The following GNAO1 variants were observed in gnomAD, a reference collection of about 807,000 sequenced individuals.
GNAO1 encodes the protein guanine nucleotide-binding protein G(o) subunit alpha.
For missense variants in GNAO1, 166 were observed against 478.7 expected (o/e 0.35, Z 6.10); for synonymous variants, 164 against 180.7 (o/e 0.91, Z 0.74).
chr16:56,280,313 A>G (rs1233232860), intron 3 of GNAO1, among the ~76,000 whole-genome samples: 4 of 152,224 alleles, frequency 2.6e-5, no homozygotes, highest in Non-Finnish European at 5.9e-5. Context: ...CCTTGAAGCC[A>G]GGAAAAAAAC....
At chr16:56,274,951 A>T (rs534472274) in intron 2 of GNAO1, among the ~76,000 whole-genome samples, 1 of 152,352 alleles carries the variant, frequency 6.6e-6, no homozygotes, top group South Asian at 2.1e-4. Context: ...TTAAAAAAAG[A>T]AGAAGAATCT....
chr16:56,343,917 C>T lies in GNAO1; in HGVS notation c.723+7057C>T, dbSNP rs199868005. 117 of 1,614,102 alleles carry T rather than the reference C, an allele frequency of 7.2e-5. No individual in the cohort carries two copies. Among genetic ancestry groups the T allele is most frequent in the Non-Finnish European group, 9.2e-5 (109 of 1,180,036 alleles). ...TTGATGCTGTGACGGACGTCATCAT[C>T]GCCAAAAACCTGCGGGGCTGTGGAC... On this transcript the variant is annotated intron_variant, in intron 6 of 8. Coordinates refer to ENST00000262493, the MANE Select transcript of GNAO1 (RefSeq NM_020988.3).
Position 56,276,088 on chromosome 16 carries a change from C to G in GNAO1, c.303+16C>G. 1 of 1,606,990 alleles carries G rather than the reference C, an allele frequency of 6.2e-7. No homozygotes were observed. The highest frequency in any genetic ancestry group is 8.5e-7 in the Non-Finnish European group (1 of 1,176,014). On this transcript the variant is annotated intron_variant, in intron 3 of 8. Coordinates refer to ENST00000262493, the MANE Select transcript of GNAO1 (RefSeq NM_020988.3). ...GGAGAGAAAGGTAGGCCCCTGAGCCCATAAGCACAGCAACAAGAGGTTCTG... is the reference window on the plus strand; with the variant it reads ...GGAGAGAAAGGTAGGCCCCTGAGCCGATAAGCACAGCAACAAGAGGTTCTG...
At chr16:56,330,139 G>C (rs1404970902) in intron 4 of GNAO1, among the ~76,000 whole-genome samples, 2 of 152,246 alleles carry the variant, frequency 1.3e-5, no homozygotes, top group Non-Finnish European at 2.9e-5. Context: ...CCGAAGTCCT[G>C]TGAGTCCCAG....
At chr16:56,328,127 C>G (rs1236708561) in intron 3 of GNAO1, among the ~76,000 whole-genome samples, 2 of 152,216 alleles carry the variant, frequency 1.3e-5, no homozygotes, top group Non-Finnish European at 2.9e-5. Flanking sequence ...AACGTCTGCT[C>G]CTCTACATAG....
chr16:56,193,992 G>C, intron 2 of GNAO1: 1 of 397,480 alleles, frequency 2.5e-6, no homozygotes, highest in South Asian at 1.8e-5. Flanking sequence ...TTCGTGGGAA[G>C]GTGGGAGTGG....
chr16:56,194,458 G>A (rs2036212658), intron 2 of GNAO1: 1 of 351,592 alleles, frequency 2.8e-6, no homozygotes, highest in Non-Finnish European at 5.6e-6. Flanking sequence ...CACCTGAGCT[G>A]GATGAGGTTT....
intron 3 of GNAO1, among the ~76,000 whole-genome samples, chr16:56,321,272 A>G (rs1363438599): frequency 6.6e-6 from 1 of 152,204 alleles, no homozygotes; most frequent in Non-Finnish European, 1.5e-5. Flanking sequence ...AAAGCAGGGG[A>G]TTGATTGACT....
chr16:56,228,775 A>T (rs1378486299), intron 2 of GNAO1, among the ~76,000 whole-genome samples: 1 of 152,172 alleles, frequency 6.6e-6, no homozygotes. Flanking sequence ...TCAGGTCTGC[A>T]TGAATGTCAC....
intron 6 of GNAO1, chr16:56,344,105 C>A (rs542099592): frequency 7.6e-6 from 11 of 1,456,662 alleles, no homozygotes; most frequent in Non-Finnish European, 9.9e-6. Flanking sequence ...ATCCTCCACC[C>A]GCACCCCCCA....
chr16:56,295,437 C>T (rs570324473), intron 3 of GNAO1, among the ~76,000 whole-genome samples: 3 of 152,294 alleles, frequency 2.0e-5, no homozygotes, highest in South Asian at 2.1e-4. Flanking sequence ...GGCCTAGCAC[C>T]TATCAAGGGC....
At chr16:56,322,765 C>G (rs1165059732) in intron 3 of GNAO1, among the ~76,000 whole-genome samples, 1 of 152,064 alleles carries the variant, frequency 6.6e-6, no homozygotes, top group African/African-American at 2.4e-5. Context: ...CAAGCTCCCT[C>G]GCCTAAGCAG....
At chr16:56,267,626 CT>C (rs1379578136) in intron 2 of GNAO1, among the ~76,000 whole-genome samples, 28 of 152,348 alleles carry the variant, frequency 1.8e-4, no homozygotes, top group African/African-American at 6.5e-4. Context: ...CGGTCCCACC[CT>C]CCACCATGCA....
intron 3 of GNAO1, among the ~76,000 whole-genome samples, chr16:56,281,782 A>G (rs2037116806): frequency 6.6e-6 from 1 of 152,220 alleles, no homozygotes; most frequent in Admixed American, 6.5e-5. Context: ...ACACTGGAAG[A>G]AAGGGTTGAG....
At chr16:56,263,524 A>G (rs1355779588) in intron 2 of GNAO1, among the ~76,000 whole-genome samples, 4 of 152,218 alleles carry the variant, frequency 2.6e-5, no homozygotes, top group Non-Finnish European at 4.4e-5. Flanking sequence ...AGAATAATGT[A>G]GGGAAGGGGC....
chr16:56,248,758 G>T (rs1454044843), intron 2 of GNAO1, among the ~76,000 whole-genome samples: 1 of 152,192 alleles, frequency 6.6e-6, no homozygotes, highest in Non-Finnish European at 1.5e-5. Flanking sequence ...TGGTTTTTAA[G>T]AAACAGAAGC....
intron 2 of GNAO1, among the ~76,000 whole-genome samples, chr16:56,264,398 AGCT>A (rs375970367): frequency 3.9e-5 from 6 of 152,196 alleles, no homozygotes; most frequent in African/African-American, 1.4e-4. Flanking sequence ...CAGCACTGTG[AGCT>A]GAGGGAAAGG....
chr16:56,227,368 G>A (rs995450374), intron 2 of GNAO1, among the ~76,000 whole-genome samples: 4 of 152,100 alleles, frequency 2.6e-5, no homozygotes, highest in Non-Finnish European at 5.9e-5. Flanking sequence ...CAGGCTCTTG[G>A]CTTCATCCTT....
chr16:56,323,673 A>ACC, intron 3 of GNAO1, among the ~76,000 whole-genome samples: 1 of 151,270 alleles, frequency 6.6e-6, no homozygotes, highest in Non-Finnish European at 1.5e-5. Flanking sequence ...AAAAAAAAAA[A>ACC]ATCCAGCCTT....
Sources: gnomAD v4.1 joint callset for allele counts (sites outside exome capture counted in the v4.1 genomes callset) on GRCh38, gnomAD v4.1.1 for gene constraint, MANE v1.5 for transcripts, NCBI Gene and HGNC (gene_info 2026-07-23, HGNC 2026-07-21) for gene names.